NALF1: variants seen among roughly 807,000 people sequenced by gnomAD.
NALF1 encodes family with sequence similarity 155 member A.
A neutral mutation model predicts 48.4 loss-of-function variants in NALF1; 3 were observed. That is an observed-to-expected ratio of 0.06 (90% CI 0.03 to 0.16). NALF1 has a LOEUF of 0.16. Among genes scored for constraint, NALF1 ranks in the 10% least tolerant of loss-of-function variants. The pLI is 1.00. For missense variants in NALF1, 526 were observed against 571.5 expected, an observed-to-expected ratio of 0.92 and a Z score of 0.81; for synonymous variants, 262 against 245.7, an observed-to-expected ratio of 1.07 and a Z score of -0.62.
At chr13:107,514,011 G>A (rs886384504) in intron 1 of NALF1, among the ~76,000 whole-genome samples, 1 of 152,124 alleles carries the variant, frequency 6.6e-6, no homozygotes, top group Non-Finnish European at 1.5e-5. Context: ...TTGCTAAGGA[G>A]CCTTTATCTG....
rs184260980 is a variant in NALF1, at chr13:107,293,188, G to C, written c.916-82433C>G. Among the ~76,000 whole-genome samples, 536 of 151,764 alleles carry C rather than the reference G, an allele frequency of 3.5e-3. 5 individuals carry two copies. Among genetic ancestry groups the C allele is most frequent in the African/African-American group, 0.012 (497 of 41,362 alleles). On this transcript the variant is annotated intron_variant, in intron 1 of 2. Coordinates refer to ENST00000375915, the MANE Select transcript of NALF1 (RefSeq NM_001080396.3). ...GTAGAGATGGGGTTTCACCTTGTTA[G>C]CCAGGATGCTCTCGATCTCCTGACC...
intron 1 of NALF1, among the ~76,000 whole-genome samples, chr13:107,407,669 C>T (rs938534056): frequency 4.0e-5 from 6 of 151,746 alleles, no homozygotes; most frequent in Non-Finnish European, 7.4e-5. Context: ...GTAAATGGAA[C>T]CTACCTGGAG....
intron 2 of NALF1, among the ~76,000 whole-genome samples, chr13:107,176,316 GTTTTT>G (rs5806633): frequency 2.1e-4 from 26 of 123,574 alleles, no homozygotes; most frequent in South Asian, 2.5e-4. Context: ...CAACCTCACA[GTTTTT>G]TTTTTTTTTT....
rs1388322372 is a variant in NALF1, at chr13:107,556,338, C to CACACAT, written c.915+309343_915+309344insATGTGT. 2.8e-3 allele frequency among the ~76,000 whole-genome samples: 406 copies of CACACAT among 147,498 alleles called. 3 individuals are homozygous for CACACAT. Among genetic ancestry groups the CACACAT allele is most frequent in the African/African-American group, 9.8e-3 (391 of 39,874 alleles). ...ACACACATATATATATATACACACA[C>CACACAT]ATATATATATATAGAGAGAGAGAGA... is the stretch of plus-strand genomic sequence containing the variant. On this transcript the variant is annotated intron_variant, in intron 1 of 2. Coordinates refer to ENST00000375915, the MANE Select transcript of NALF1 (RefSeq NM_001080396.3).
intron 1 of NALF1, among the ~76,000 whole-genome samples, chr13:107,626,886 C>A (rs980165664): frequency 6.6e-6 from 1 of 152,074 alleles, no homozygotes; most frequent in African/African-American, 2.4e-5. Context: ...TACTCTACCA[C>A]AATAAAAACA....
chr13:107,348,173 A>T (rs1882807967), intron 1 of NALF1, among the ~76,000 whole-genome samples: 1 of 152,208 alleles, frequency 6.6e-6, no homozygotes, highest in African/African-American at 2.4e-5. Context: ...GGAAATTACA[A>T]AAGAGCTTCT....
At chr13:107,823,444 T>G (rs73587798) in intron 1 of NALF1, among the ~76,000 whole-genome samples, 1 of 152,112 alleles carries the variant, frequency 6.6e-6, no homozygotes, top group Non-Finnish European at 1.5e-5. Flanking sequence ...ATTTCCCAGT[T>G]TTCTTAGGTT....
intron 1 of NALF1, among the ~76,000 whole-genome samples, chr13:107,660,580 C>A (rs1880711597): frequency 6.6e-6 from 1 of 152,068 alleles, no homozygotes; most frequent in Admixed American, 6.6e-5. Context: ...CTTGTAGACA[C>A]AGACTTGGCC....
intron 1 of NALF1, among the ~76,000 whole-genome samples, chr13:107,325,853 C>CATATATATATATATATATAT (rs1385871427): frequency 2.0e-5 from 1 of 50,006 alleles, no homozygotes; most frequent in Non-Finnish European, 4.0e-5. Flanking sequence ...CACACACACA[C>CATATATATATATATATATAT]ACATATATAT....
intron 1 of NALF1, among the ~76,000 whole-genome samples, chr13:107,298,219 G>A (rs995697770): frequency 5.3e-5 from 8 of 151,140 alleles, no homozygotes; most frequent in African/African-American, 1.5e-4. Context: ...GTGTGTTGGC[G>A]GGCGCCTGTA....
At chr13:107,464,507 G>A (rs953795962) in intron 1 of NALF1, among the ~76,000 whole-genome samples, 5 of 151,900 alleles carry the variant, frequency 3.3e-5, no homozygotes, top group African/African-American at 9.7e-5. Flanking sequence ...TTAAATAAAT[G>A]CAATACAAAT....
chr13:107,312,533 G>A (rs543841559), intron 1 of NALF1, among the ~76,000 whole-genome samples: 2 of 152,014 alleles, frequency 1.3e-5, no homozygotes, highest in East Asian at 3.9e-4. Flanking sequence ...TAACAAACCT[G>A]CACATTGTGC....
At chr13:107,857,022 TAAG>T (rs1312496806) in intron 1 of NALF1, among the ~76,000 whole-genome samples, 6 of 152,218 alleles carry the variant, frequency 3.9e-5, no homozygotes, top group African/African-American at 1.2e-4. Context: ...CATTGGATAG[TAAG>T]ACTTCCTTCC....
intron 1 of NALF1, among the ~76,000 whole-genome samples, chr13:107,651,653 A>G (rs1880453966): frequency 6.6e-6 from 1 of 152,206 alleles, no homozygotes; most frequent in African/African-American, 2.4e-5. Context: ...AACTCTTCTC[A>G]GCAAATAAAA....
chr13:107,734,685 T>C (rs1305994700), intron 1 of NALF1, among the ~76,000 whole-genome samples: 1 of 152,146 alleles, frequency 6.6e-6, no homozygotes, highest in Non-Finnish European at 1.5e-5. Context: ...GAGCCTCAGT[T>C]TTCTTATTCA....
intron 1 of NALF1, among the ~76,000 whole-genome samples, chr13:107,404,903 CA>C (rs1883873674): frequency 6.6e-6 from 1 of 151,978 alleles, no homozygotes; most frequent in African/African-American, 2.4e-5. Context: ...GACAGTCACT[CA>C]ATAAAGTTTC....
At chr13:107,613,276 G>A (rs773986655) in intron 1 of NALF1, among the ~76,000 whole-genome samples, 1 of 152,206 alleles carries the variant, frequency 6.6e-6, no homozygotes, top group Non-Finnish European at 1.5e-5. Context: ...GGCAACCAAT[G>A]TCATTCCATC....
chr13:107,643,731 GAGA>G (rs1448921665), intron 1 of NALF1, among the ~76,000 whole-genome samples: 3 of 152,166 alleles, frequency 2.0e-5, no homozygotes, highest in South Asian at 2.1e-4. Context: ...TTTGAAAGTG[GAGA>G]AGGTTTGCTG....
At chr13:107,679,431 C>T (rs552518716) in intron 1 of NALF1, among the ~76,000 whole-genome samples, 1 of 152,138 alleles carries the variant, frequency 6.6e-6, no homozygotes, top group South Asian at 2.1e-4. Flanking sequence ...TGTTAGATCC[C>T]GGGGGCTGGG....
Sources: allele counts gnomAD v4.1 joint callset (sites outside exome capture counted in the v4.1 genomes callset), GRCh38; gene constraint gnomAD v4.1.1; transcripts MANE v1.5; gene names NCBI Gene and HGNC (gene_info 2026-07-23, HGNC 2026-07-21).